Variants in PPIP5K2 observed in about 807,000 individuals in gnomAD.
PPIP5K2 encodes the protein diphosphoinositol pentakisphosphate kinase 2, also known as inositol hexakisphosphate and diphosphoinositol-pentakisphosphate kinase 2.
Under a neutral mutation model 154.6 loss-of-function variants are expected in PPIP5K2, and 105 were observed. That is an observed-to-expected ratio of 0.68 (90% CI 0.58 to 0.80). The LOEUF (loss-of-function observed/expected upper bound fraction) is 0.80. Among genes scored for constraint, PPIP5K2 ranks in the 30% least tolerant of loss-of-function variants. PPIP5K2 has a pLI of 0.00. For synonymous variants in PPIP5K2, 480 were observed against 490.3 expected (o/e 0.98, Z 0.28); for missense variants, 992 against 1,504.6 (o/e 0.66, Z 5.64).
rs1790263877 is a variant in PPIP5K2 at position 103,129,502 on chromosome 5, A to G, written c.-88A>G. ...CACAGACCTGTGCGTCAGCTAATAT[A>G]TGGAGAATGCTTTCTTCTGATACTA... On this transcript the variant is annotated 5_prime_UTR_variant, in exon 2 of 31. The change creates a new upstream start codon in the 5' untranslated region. Transcript: ENST00000358359. 9.2e-7 allele frequency: 1 copy of G among 1,086,574 alleles called. No individual in the cohort carries two copies. The highest frequency in any genetic ancestry group is 1.6e-5 in the African/African-American group (1 of 62,226). The allele number at this position is 1,086,574 out of a possible 1,614,324, so 67.3% of individuals were successfully genotyped here. A position where few individuals can be genotyped will look rare whatever the true frequency, so the allele number is the denominator to read the frequency against.
rs200571176 is a variant in PPIP5K2, at chr5:103,162,858, T to G, written c.1920+3530T>G. Among the ~76,000 whole-genome samples the G allele has an allele frequency of 5.3e-5, 8 of 152,242 alleles. No individual in the cohort carries two copies. In the East Asian group the frequency reaches 1.5e-3, roughly 29 times the overall value. ...TCTGTATATCAGATAAAATTGACTTTTGTGTGTGCTATGAGCTAAGAATGT... is the reference window on the plus strand; with the variant it reads ...TCTGTATATCAGATAAAATTGACTTGTGTGTGTGCTATGAGCTAAGAATGT... On this transcript the variant is annotated intron_variant, in intron 17 of 30. Transcript: ENST00000358359.
chr5:103,144,978 G>A (rs1478866271), intron 5 of PPIP5K2, among the ~76,000 whole-genome samples: 4 of 151,958 alleles, frequency 2.6e-5, no homozygotes, highest in Middle Eastern at 3.4e-3. Context: ...GACAGTCCAC[G>A]GAATGGGAGA....
intron 3 of PPIP5K2, among the ~76,000 whole-genome samples, chr5:103,134,695 A>G (rs1464086311): frequency 1.3e-5 from 2 of 152,170 alleles, no homozygotes; most frequent in African/African-American, 4.8e-5. Context: ...AGCTAATGTC[A>G]TATTCCACAT....
intron 23 of PPIP5K2, 145 bp downstream of exon 23, chr5:103,178,125 T>C (rs1554221600): frequency 3.1e-6 from 2 of 635,128 alleles, no homozygotes; most frequent in African/African-American, 3.7e-5. Flanking sequence ...TAAAGTGTGA[T>C]TTGTATAGAC....
At chr5:103,192,752 T>C (rs1801438102) in intron 29 of PPIP5K2, among the ~76,000 whole-genome samples, 1 of 152,142 alleles carries the variant, frequency 6.6e-6, no homozygotes, top group Non-Finnish European at 1.5e-5. Context: ...AGGCAAAGGA[T>C]ATTAGATTCT....
intron 17 of PPIP5K2, among the ~76,000 whole-genome samples, chr5:103,161,497 A>G (rs1434554870): frequency 2.0e-5 from 3 of 152,180 alleles, no homozygotes; most frequent in African/African-American, 7.2e-5. Flanking sequence ...GCTGGGTCAA[A>G]TGGTATTTCT....
intron 17 of PPIP5K2, among the ~76,000 whole-genome samples, chr5:103,162,514 C>T (rs1554216280): frequency 6.6e-6 from 1 of 151,914 alleles, no homozygotes; most frequent in South Asian, 2.1e-4. Context: ...AGGTGCACGC[C>T]ACCATGCTCA....
At chr5:103,161,564 A>G (rs1796244930) in intron 17 of PPIP5K2, among the ~76,000 whole-genome samples, 1 of 152,140 alleles carries the variant, frequency 6.6e-6, no homozygotes, top group Non-Finnish European at 1.5e-5. Flanking sequence ...GAACTAGTTT[A>G]CAGTCCCACC....
At chr5:103,174,679 C>G (rs1335621787) in intron 21 of PPIP5K2, among the ~76,000 whole-genome samples, 1 of 152,012 alleles carries the variant, frequency 6.6e-6, no homozygotes, top group Non-Finnish European at 1.5e-5. Context: ...ATTTTTATGA[C>G]CTAACTTCTA....
At chr5:103,189,288 C>A in intron 28 of PPIP5K2, 1 of 1,286,068 alleles carries the variant, frequency 7.8e-7, no homozygotes, top group South Asian at 1.3e-5. Flanking sequence ...TGCGCTAACC[C>A]TTTCATTGTG....
At chr5:103,168,743 A>C (rs563741367) in intron 19 of PPIP5K2, among the ~76,000 whole-genome samples, 1 of 151,932 alleles carries the variant, frequency 6.6e-6, no homozygotes, top group South Asian at 2.1e-4. Context: ...GGTTTGGGCA[A>C]ATTTATAATG....
chr5:103,181,553 CAG>C (rs1554222911), intron 24 of PPIP5K2, among the ~76,000 whole-genome samples: 1 of 151,882 alleles, frequency 6.6e-6, no homozygotes, highest in East Asian at 1.9e-4. Flanking sequence ...GCCTGGGCAA[CAG>C]AGCGAGATTC....
chr5:103,184,375 G>T (rs1800025748), intron 25 of PPIP5K2: 1 of 217,772 alleles, frequency 4.6e-6, no homozygotes, highest in South Asian at 9.1e-5. Context: ...TGGGCATTTG[G>T]CTTCTTTTAA....
At chr5:103,194,335 A>G (rs1554227774) in intron 29 of PPIP5K2, among the ~76,000 whole-genome samples, 3 of 152,066 alleles carry the variant, frequency 2.0e-5, no homozygotes, top group African/African-American at 2.4e-5. Flanking sequence ...TAAATTTTCA[A>G]TAGAAATGAG....
intron 29 of PPIP5K2, 93 bp from the exon 30 acceptor site, chr5:103,194,807 G>C: frequency 7.4e-7 from 1 of 1,355,012 alleles, no homozygotes; most frequent in East Asian, 2.4e-5. Flanking sequence ...ATGAATATTC[G>C]TAGGGTCACT....
At chr5:103,144,696 G>A (rs1296362704) in intron 5 of PPIP5K2, among the ~76,000 whole-genome samples, 2 of 152,160 alleles carry the variant, frequency 1.3e-5, no homozygotes, top group African/African-American at 2.4e-5. Context: ...AGTAAGTAGT[G>A]TTGGGAAAAC....
At chr5:103,197,217 T>G (rs1554228810) in intron 30 of PPIP5K2, among the ~76,000 whole-genome samples, 1 of 152,140 alleles carries the variant, frequency 6.6e-6, no homozygotes, top group Non-Finnish European at 1.5e-5. Flanking sequence ...GGGAAGTGCT[T>G]TCTATTTTCT....
At chr5:103,122,843 G>T (rs1554199547) in intron 1 of PPIP5K2, among the ~76,000 whole-genome samples, 1 of 152,194 alleles carries the variant, frequency 6.6e-6, no homozygotes, top group Non-Finnish European at 1.5e-5. Context: ...CAGGTAAGGG[G>T]GATCTGAATA....
At chr5:103,199,090 A>G (rs1802567153) in intron 30 of PPIP5K2, among the ~76,000 whole-genome samples, 1 of 152,192 alleles carries the variant, frequency 6.6e-6, no homozygotes, top group South Asian at 2.1e-4. Flanking sequence ...CATTCTTTAC[A>G]CATAGTTATC....
Sources: gnomAD v4.1 joint callset for allele counts (sites outside exome capture counted in the v4.1 genomes callset) on GRCh38, gnomAD v4.1.1 for gene constraint, MANE v1.5 for transcripts, NCBI Gene and HGNC (gene_info 2026-07-23, HGNC 2026-07-21) for gene names.